DOCK8: variants seen among roughly 807,000 people sequenced by gnomAD.
DOCK8 encodes dedicator of cytokinesis 8.
In DOCK8, 141 loss-of-function variants were observed where a neutral mutation model predicts 245.6. That is an observed-to-expected ratio of 0.57 (90% CI 0.50 to 0.66). DOCK8 has a LOEUF of 0.66. Among genes scored for constraint, DOCK8 ranks in the 30% least tolerant of loss-of-function variants. The pLI is 0.00. For synonymous variants in DOCK8, 1,168 were observed against 970.2 expected (o/e 1.20, Z -3.79); for missense variants, 2,965 against 2,603.4 (o/e 1.14, Z -3.02).
intron 19 of DOCK8, 78 bp from the exon 20 acceptor site, chr9:376,899 T>G: frequency 8.0e-7 from 1 of 1,254,730 alleles, no homozygotes; most frequent in Non-Finnish European, 1.1e-6. Flanking sequence ...CATAAAGAGC[T>G]ATTCGATTGT....
At chr9:446,655 C>T (rs2057272462) in intron 44 of DOCK8, 49 bp downstream of exon 44, 1 of 1,577,126 alleles carries the variant, frequency 6.3e-7, no homozygotes, top group Non-Finnish European at 8.7e-7. Context: ...GGCTGGGTGG[C>T]CTCCCAGGAG....
chr9:217,838 A>C (rs1332571983), intron 1 of DOCK8, among the ~76,000 whole-genome samples: 2 of 152,190 alleles, frequency 1.3e-5, no homozygotes, highest in African/African-American at 4.8e-5. Context: ...ACAGCTGCAC[A>C]AGGCCATGTA....
chr9:216,699 T>C (rs1166505668), intron 1 of DOCK8, among the ~76,000 whole-genome samples: 1 of 152,072 alleles, frequency 6.6e-6, no homozygotes, highest in African/African-American at 2.4e-5. Context: ...GGGTGTATTA[T>C]TTGCTATAGC....
chr9:415,638 C>T (rs1374179323), intron 29 of DOCK8, among the ~76,000 whole-genome samples: 4 of 151,002 alleles, frequency 2.6e-5, no homozygotes, highest in Non-Finnish European at 5.9e-5. Flanking sequence ...GAAAGGCAGT[C>T]CATTGGCCTA....
intron 28 of DOCK8, among the ~76,000 whole-genome samples, chr9:409,413 A>T (rs1342615991): frequency 6.6e-6 from 1 of 152,154 alleles, no homozygotes; most frequent in Non-Finnish European, 1.5e-5. Flanking sequence ...AACAAGAAAA[A>T]CTTTTGAAAT....
intron 14 of DOCK8, among the ~76,000 whole-genome samples, chr9:353,502 C>T (rs886181734): frequency 6.6e-6 from 1 of 152,198 alleles, no homozygotes; most frequent in African/African-American, 2.4e-5. Context: ...TCAGCCTCAG[C>T]ACCAGCAGAA....
chr9:319,189 G>A (rs1184510125), intron 7 of DOCK8, among the ~76,000 whole-genome samples: 42 of 152,144 alleles, frequency 2.8e-4, no homozygotes, highest in Non-Finnish European at 1.5e-5. Flanking sequence ...AGGCTGAGGT[G>A]GAAGGATCGC....
chr9:367,438 A>C (rs763775305), intron 14 of DOCK8, among the ~76,000 whole-genome samples: 3 of 152,206 alleles, frequency 2.0e-5, no homozygotes, highest in Non-Finnish European at 4.4e-5. Flanking sequence ...CAAGTTACCC[A>C]GGCACTGGGT....
intron 9 of DOCK8, among the ~76,000 whole-genome samples, chr9:329,259 C>T (rs940522606): frequency 1.3e-5 from 2 of 152,022 alleles, no homozygotes; most frequent in African/African-American, 4.8e-5. Flanking sequence ...GCCGTAAAAT[C>T]ATTGTAAAAA....
At chr9:438,347 T>A (rs2056973070) in intron 39 of DOCK8, among the ~76,000 whole-genome samples, 1 of 152,220 alleles carries the variant, frequency 6.6e-6, no homozygotes, top group South Asian at 2.1e-4. Flanking sequence ...CCTGCCATGA[T>A]TACAGCAATA....
chr9:296,203 C>G lies in DOCK8; in HGVS notation c.404+6622C>G, dbSNP rs72701265. Among the ~76,000 whole-genome samples, 474 of 152,240 alleles carry G rather than the reference C, an allele frequency of 3.1e-3. 1 individual carries two copies. Among genetic ancestry groups the G allele is most frequent in the Non-Finnish European group, 5.5e-3 (372 of 68,010 alleles). On this transcript the variant is annotated intron_variant, in intron 4 of 47. Transcript: ENST00000432829. The stretch of plus-strand genomic sequence containing the variant: ...CATGGCGCCATGTTTGCTTGTTTGT[C>G]CAACCTTTTATCTGCATATTTTGAT...
intron 1 of DOCK8, among the ~76,000 whole-genome samples, chr9:228,934 C>T (rs35439167): frequency 0.042 from 6,400 of 152,246 alleles, 156 homozygotes; most frequent in Non-Finnish European, 0.063. Context: ...TGAGCTTTCC[C>T]TCTTCACACG....
At chr9:367,443 C>T (rs1054494290) in intron 14 of DOCK8, among the ~76,000 whole-genome samples, 9 of 152,114 alleles carry the variant, frequency 5.9e-5, no homozygotes, top group African/African-American at 2.2e-4. Flanking sequence ...TACCCAGGCA[C>T]TGGGTAGCCT....
intron 4 of DOCK8, among the ~76,000 whole-genome samples, chr9:298,356 C>G (rs1328787898): frequency 3.9e-5 from 6 of 152,120 alleles, no homozygotes; most frequent in Admixed American, 3.9e-4. Context: ...ACTCGGGAGG[C>G]GGAGGTTGCA....
At chr9:349,209 T>C (rs894910393) in intron 14 of DOCK8, among the ~76,000 whole-genome samples, 2 of 152,214 alleles carry the variant, frequency 1.3e-5, no homozygotes, top group Non-Finnish European at 2.9e-5. Context: ...AAGGTAATTG[T>C]TTAAAACCAT....
intron 26 of DOCK8, among the ~76,000 whole-genome samples, chr9:400,364 T>TCAC (rs2054846251): frequency 4.1e-5 from 1 of 24,160 alleles, no homozygotes. Context: ...TCCTCCACCA[T>TCAC]CACCACCTCC....
In DOCK8 at chr9:312,134, G is replaced by A. The variant is rs11789099; in HGVS notation, c.709G>A (p.Glu237Lys). The change falls in exon 6 of 48, where the codon GAG becomes AAG. Residue 237 changes from glutamate (E) to lysine (K), a missense_variant. Around this residue, in one of 3 missense-constraint regions of DOCK8, gnomAD observed 2,825 missense variants for 2,453.5 expected, o/e 1.15. Coordinates refer to ENST00000432829, the MANE Select transcript of DOCK8 (RefSeq NM_203447.4). The part of the protein sequence containing the change: ...EEARRTNRQA[E>K]LFALYPSVDE... ...GGCCCGGAGGACCAATAGGCAGGCCGAGCTCTTTGCCCTTTACCCATCAGT... is the reference window on the plus strand; with the variant it reads ...GGCCCGGAGGACCAATAGGCAGGCCAAGCTCTTTGCCCTTTACCCATCAGT... 0.03 allele frequency: 48,653 copies of A among 1,614,184 alleles called. 905 individuals are homozygous for A. The highest frequency in any genetic ancestry group is 0.056 in the South Asian group (5,065 of 91,078).
At chr9:282,550 C>A (rs1453117106) in intron 2 of DOCK8, among the ~76,000 whole-genome samples, 3 of 151,092 alleles carry the variant, frequency 2.0e-5, no homozygotes, top group Admixed American at 1.3e-4. Flanking sequence ...TTGGAGTAGC[C>A]AGCAGTATAG....
chr9:398,882 T>C (rs948452632), intron 25 of DOCK8, among the ~76,000 whole-genome samples: 3 of 151,884 alleles, frequency 2.0e-5, no homozygotes, highest in African/African-American at 7.3e-5. Flanking sequence ...ATGAGGTTAA[T>C]TATACACATA....
Sources: gnomAD v4.1 joint callset for allele counts (sites outside exome capture counted in the v4.1 genomes callset) on GRCh38, gnomAD v4.1.1 for gene constraint, gnomAD v4.1.1 regional missense constraint, MANE v1.5 for transcripts, NCBI Gene and HGNC (gene_info 2026-07-23, HGNC 2026-07-21) for gene names.